The following ULK4 variants were observed in gnomAD, a reference collection of about 807,000 sequenced individuals.
ULK4 encodes the protein inactive serine/threonine-protein kinase ULK4.
Under a neutral mutation model 160.6 loss-of-function variants are expected in ULK4, and 133 were observed. The observed-to-expected ratio is 0.83, with a 90% CI of 0.72 to 0.96. The LOEUF (loss-of-function observed/expected upper bound fraction) is 0.96, where lower values mean the gene tolerates loss of function less well. Ranked by LOEUF, ULK4 falls within the 40% of genes least tolerant of loss-of-function variation. The pLI is 0.00. For missense variants in ULK4, 1,580 were observed against 1,499.5 expected (o/e 1.05, Z -0.89); for synonymous variants, 534 against 539.8 (o/e 0.99, Z 0.15).
intron 32 of ULK4, among the ~76,000 whole-genome samples, chr3:41,516,753 T>G (rs2085762892): frequency 6.6e-6 from 1 of 152,068 alleles, no homozygotes; most frequent in South Asian, 2.1e-4. Flanking sequence ...ACAGAATAAA[T>G]AAGACCTACT....
At chr3:41,315,169 A>C (rs1403677028) in intron 35 of ULK4, among the ~76,000 whole-genome samples, 1 of 152,184 alleles carries the variant, frequency 6.6e-6, no homozygotes, top group Non-Finnish European at 1.5e-5. Context: ...ACAGATTCTC[A>C]TATCTGCTTC....
At chr3:41,918,664 C>G (rs1475776353) in intron 6 of ULK4, 124 bp from the exon 7 acceptor site, 10 of 482,828 alleles carry the variant, frequency 2.1e-5, no homozygotes, top group Admixed American at 1.1e-4. Flanking sequence ...TGCAGTGGCG[C>G]AATCTCGGCT....
At chr3:41,758,569 T>C (rs548312064) in intron 21 of ULK4, among the ~76,000 whole-genome samples, 1 of 152,192 alleles carries the variant, frequency 6.6e-6, no homozygotes, top group South Asian at 2.1e-4. Flanking sequence ...ATCCCAGGAA[T>C]CCAAGGCTGA....
At chr3:41,718,999 T>C (rs2037366087) in intron 22 of ULK4, among the ~76,000 whole-genome samples, 1 of 152,202 alleles carries the variant, frequency 6.6e-6, no homozygotes, top group Non-Finnish European at 1.5e-5. Context: ...TCAACCTACT[T>C]GTTCTTCAAT....
At chr3:41,626,118 A>C (rs1285222520) in intron 30 of ULK4, among the ~76,000 whole-genome samples, 1 of 152,160 alleles carries the variant, frequency 6.6e-6, no homozygotes, top group African/African-American at 2.4e-5. Flanking sequence ...TGGGTTCAGA[A>C]ACCATTTTGT....
intron 34 of ULK4, among the ~76,000 whole-genome samples, chr3:41,454,938 C>G (rs897164981): frequency 6.6e-6 from 1 of 152,100 alleles, no homozygotes; most frequent in Non-Finnish European, 1.5e-5. Flanking sequence ...TTCAAATGAT[C>G]CACTCACCTT....
chr3:41,487,806 C>A (rs920629527), intron 32 of ULK4, among the ~76,000 whole-genome samples: 4 of 152,066 alleles, frequency 2.6e-5, no homozygotes, highest in South Asian at 2.1e-4. Flanking sequence ...TGCTACATGA[C>A]AAAAGACTAA....
chr3:41,301,584 G>A (rs1460268081), intron 35 of ULK4, among the ~76,000 whole-genome samples: 1 of 152,156 alleles, frequency 6.6e-6, no homozygotes, highest in Admixed American at 6.5e-5. Context: ...AGGCTTTCTG[G>A]CGTGCTACGT....
At chr3:41,431,025 C>A (rs1188165111) in intron 34 of ULK4, among the ~76,000 whole-genome samples, 1 of 152,176 alleles carries the variant, frequency 6.6e-6, no homozygotes, top group Non-Finnish European at 1.5e-5. Flanking sequence ...CCATAGTAGT[C>A]TTTCACTACA....
At chr3:41,388,950 G>A (rs79278305) in intron 35 of ULK4, among the ~76,000 whole-genome samples, 86,968 of 151,166 alleles carry the variant, frequency 0.58, 26,653 homozygotes, top group African/African-American at 0.81. Flanking sequence ...CATTGAATCT[G>A]TAAATTACCT....
chr3:41,829,841 G>T (rs1487427952), intron 18 of ULK4, among the ~76,000 whole-genome samples: 1 of 147,028 alleles, frequency 6.8e-6, no homozygotes, highest in East Asian at 1.9e-4. Flanking sequence ...AAAGACACAT[G>T]CACACGTATG....
intron 12 of ULK4, among the ~76,000 whole-genome samples, chr3:41,902,173 T>C (rs1292493601): frequency 6.6e-6 from 1 of 150,958 alleles, no homozygotes; most frequent in African/African-American, 2.4e-5. Context: ...ATAAGGAAAA[T>C]AAATTACCCA....
At chr3:41,650,920 A>G (rs1256988144) in intron 30 of ULK4, among the ~76,000 whole-genome samples, 2 of 152,206 alleles carry the variant, frequency 1.3e-5, no homozygotes, top group East Asian at 3.8e-4. Flanking sequence ...CAACACTAAA[A>G]TATTTATCAT....
intron 35 of ULK4, among the ~76,000 whole-genome samples, chr3:41,283,139 C>G (rs2079391740): frequency 6.6e-6 from 1 of 152,134 alleles, no homozygotes; most frequent in African/African-American, 2.4e-5. Context: ...TAAAAAGTCT[C>G]AGGAAACAAC....
At chr3:41,297,180 C>T (rs1022125424) in intron 35 of ULK4, among the ~76,000 whole-genome samples, 4 of 152,200 alleles carry the variant, frequency 2.6e-5, no homozygotes, top group African/African-American at 7.2e-5. Context: ...CCTCCGTGAG[C>T]GCCTGCTGTG....
intron 30 of ULK4, among the ~76,000 whole-genome samples, chr3:41,618,956 A>C (rs1283031377): frequency 6.6e-6 from 1 of 152,134 alleles, no homozygotes; most frequent in Non-Finnish European, 1.5e-5. Flanking sequence ...AAAAGAAAAA[A>C]AAAAGCAGGG....
intron 16 of ULK4, among the ~76,000 whole-genome samples, chr3:41,885,120 C>G (rs1207171725): frequency 1.3e-5 from 2 of 152,110 alleles, no homozygotes; most frequent in Non-Finnish European, 2.9e-5. Flanking sequence ...TCCCAAAGTT[C>G]TGGGATTACA....
intron 35 of ULK4, among the ~76,000 whole-genome samples, chr3:41,278,711 G>A (rs2079280793): frequency 1.3e-5 from 2 of 152,122 alleles, no homozygotes; most frequent in Admixed American, 6.6e-5. Flanking sequence ...TGAGGGGCCT[G>A]TTAGAAGGAA....
chr3:41,731,634 A>AT (rs1338511064), intron 22 of ULK4, among the ~76,000 whole-genome samples: 96 of 151,238 alleles, frequency 6.3e-4, no homozygotes, highest in African/African-American at 2.2e-3. Context: ...AAAATTCTAA[A>AT]TTTTTTTTTA....
Sources: allele counts gnomAD v4.1 joint callset (sites outside exome capture counted in the v4.1 genomes callset), GRCh38; gene constraint gnomAD v4.1.1; transcripts MANE v1.5; gene names NCBI Gene and HGNC (gene_info 2026-07-23, HGNC 2026-07-21).